The following CPNE4 variants were observed in gnomAD, a reference collection of about 807,000 sequenced individuals.
CPNE4 encodes copine-4.
In CPNE4, 25 loss-of-function variants were observed where a neutral mutation model predicts 67.9. The observed-to-expected ratio is 0.37, with a 90% CI of 0.27 to 0.51. The LOEUF (loss-of-function observed/expected upper bound fraction) is 0.51. CPNE4 is among the 20% of genes least tolerant of loss of function. The pLI, the probability that CPNE4 is intolerant of heterozygous loss-of-function variation, is 0.93. For synonymous variants in CPNE4, 242 were observed against 244.9 expected, an observed-to-expected ratio of 0.99 and a Z score of 0.11; for missense variants, 464 against 690.8, an observed-to-expected ratio of 0.67 and a Z score of 3.68.
chr3:131,876,742 A>T (rs914404690), intron 2 of CPNE4, among the ~76,000 whole-genome samples: 1 of 152,220 alleles, frequency 6.6e-6, no homozygotes, highest in East Asian at 1.9e-4. Context: ...GCTAAAGGTT[A>T]ATCTATGTAG....
At chr3:131,926,142 A>G (rs1351405774) in intron 1 of CPNE4, among the ~76,000 whole-genome samples, 1 of 152,208 alleles carries the variant, frequency 6.6e-6, no homozygotes, top group African/African-American at 2.4e-5. Context: ...AGAATTAACC[A>G]TGGAGAATTT....
At chr3:131,944,666 G>A (rs1229912089) in intron 1 of CPNE4, among the ~76,000 whole-genome samples, 1 of 152,058 alleles carries the variant, frequency 6.6e-6, no homozygotes, top group Non-Finnish European at 1.5e-5. Context: ...TTTTAACTTG[G>A]TGGGTTTGTG....
intron 2 of CPNE4, among the ~76,000 whole-genome samples, chr3:131,814,200 G>C (rs371746403): frequency 9.9e-5 from 15 of 152,134 alleles, no homozygotes; most frequent in African/African-American, 3.6e-4. Context: ...AGTCTCAGAG[G>C]CTTAAAATGA....
intron 2 of CPNE4, among the ~76,000 whole-genome samples, chr3:131,817,779 C>A (rs898154043): frequency 1.3e-5 from 2 of 152,178 alleles, no homozygotes; most frequent in African/African-American, 4.8e-5. Context: ...TACAGAGAGA[C>A]GTATTCTCTT....
intron 7 of CPNE4, among the ~76,000 whole-genome samples, chr3:131,667,279 T>A (rs1056747998): frequency 6.6e-6 from 1 of 152,136 alleles, no homozygotes; most frequent in Non-Finnish European, 1.5e-5. Context: ...AATTAAAACA[T>A]TTTCATAGGT....
At chr3:131,801,086 T>C (rs1326320015) in intron 2 of CPNE4, among the ~76,000 whole-genome samples, 2 of 151,996 alleles carry the variant, frequency 1.3e-5, no homozygotes, top group Non-Finnish European at 2.9e-5. Flanking sequence ...GAACCCTGGA[T>C]TGTGGTACAT....
intron 1 of CPNE4, among the ~76,000 whole-genome samples, chr3:131,917,406 A>G (rs369682493): frequency 9.2e-5 from 14 of 152,288 alleles, no homozygotes; most frequent in East Asian, 5.8e-4. Flanking sequence ...GTTGGAAGAT[A>G]CATCGTGTTT....
chr3:131,731,776 C>T (rs114935808), intron 2 of CPNE4, among the ~76,000 whole-genome samples: 5,860 of 152,174 alleles, frequency 0.039, 401 homozygotes, highest in African/African-American at 0.13. Context: ...ATTTAAATAG[C>T]CACATGGGGA....
chr3:131,957,176 C>A (rs1226593218), intron 1 of CPNE4, among the ~76,000 whole-genome samples: 1 of 152,310 alleles, frequency 6.6e-6, no homozygotes, highest in East Asian at 1.9e-4. Flanking sequence ...GCACATCCCA[C>A]TGGAGACCCA....
At chr3:131,961,009 CAG>C (rs1348714091) in intron 1 of CPNE4, among the ~76,000 whole-genome samples, 1 of 152,124 alleles carries the variant, frequency 6.6e-6, no homozygotes, top group Non-Finnish European at 1.5e-5. Flanking sequence ...GGTACAAACT[CAG>C]AGAGATGTCA....
chr3:131,581,542 A>G, intron 9 of CPNE4, 37 bp downstream of exon 9: 1 of 1,371,244 alleles, frequency 7.3e-7, no homozygotes, highest in Non-Finnish European at 1.0e-6. Context: ...AGATAGCCCT[A>G]GCTTCATACT....
chr3:131,841,582 T>A (rs1049581201), intron 2 of CPNE4, among the ~76,000 whole-genome samples: 1 of 152,196 alleles, frequency 6.6e-6, no homozygotes, highest in African/African-American at 2.4e-5. Context: ...CGCCTGATGA[T>A]CTGAGTCTGA....
intron 2 of CPNE4, among the ~76,000 whole-genome samples, chr3:131,774,589 T>G (rs937504355): frequency 6.6e-6 from 1 of 152,078 alleles, no homozygotes; most frequent in African/African-American, 2.4e-5. Flanking sequence ...GAGAGGAAAT[T>G]TAAACCCAGG....
At chr3:131,552,350 T>A (rs1446866445) in intron 13 of CPNE4, 90 bp downstream of exon 13, 5 of 1,079,062 alleles carry the variant, frequency 4.6e-6, no homozygotes, top group Non-Finnish European at 4.3e-6. Flanking sequence ...CAATCGTAAC[T>A]AATATGCTAC....
At chr3:131,640,407 C>A (rs2079510529) in intron 7 of CPNE4, among the ~76,000 whole-genome samples, 2 of 151,956 alleles carry the variant, frequency 1.3e-5, no homozygotes, top group African/African-American at 4.8e-5. Context: ...ACCCCTTTCA[C>A]AATAACTGAA....
intron 1 of CPNE4, among the ~76,000 whole-genome samples, chr3:131,927,497 G>C (rs2070929193): frequency 6.6e-6 from 1 of 151,902 alleles, no homozygotes; most frequent in Admixed American, 6.6e-5. Context: ...TCATGTCATT[G>C]CAGAGTTATT....
At chr3:131,932,699 G>A (rs1041783186) in intron 1 of CPNE4, among the ~76,000 whole-genome samples, 2 of 150,640 alleles carry the variant, frequency 1.3e-5, no homozygotes, top group African/African-American at 4.9e-5. Flanking sequence ...AGGCCAAGGT[G>A]GGCAGATCAT....
intron 2 of CPNE4, among the ~76,000 whole-genome samples, chr3:131,882,643 A>G (rs902322422): frequency 6.6e-6 from 1 of 152,072 alleles, no homozygotes; most frequent in African/African-American, 2.4e-5. Context: ...TTAAATTCTT[A>G]TAGCAACTCT....
intron 2 of CPNE4, among the ~76,000 whole-genome samples, chr3:131,874,331 G>T (rs1032995627): frequency 9.2e-5 from 14 of 151,962 alleles, no homozygotes; most frequent in Non-Finnish European, 7.4e-5. Flanking sequence ...CTTATGATTC[G>T]CCCGCCTCGG....
Sources: gnomAD v4.1 joint callset for allele counts (sites outside exome capture counted in the v4.1 genomes callset) on GRCh38, gnomAD v4.1.1 for gene constraint, MANE v1.5 for transcripts, NCBI Gene and HGNC (gene_info 2026-07-23, HGNC 2026-07-21) for gene names.